Variants in NF1 observed in about 807,000 individuals in gnomAD.
The protein encoded by NF1 is neurofibromin 1, also known as neurofibromin.
In NF1, 122 loss-of-function variants were observed where a neutral mutation model predicts 325.7. The observed-to-expected ratio is 0.37, with a 90% confidence interval of 0.32 to 0.44. The LOEUF is 0.44. Ranked by LOEUF, NF1 falls within the 20% of genes least tolerant of loss-of-function variation. NF1 has a pLI of 1.00. For missense variants in NF1, 2,140 were observed against 3,415.4 expected, an observed-to-expected ratio of 0.63 and a Z score of 9.31; for synonymous variants, 1,091 against 1,186.0, an observed-to-expected ratio of 0.92 and a Z score of 1.65.
At chr17:31,186,673 G>A (rs932645828) in intron 8 of NF1, among the ~76,000 whole-genome samples, 1 of 152,246 alleles carries the variant, frequency 6.6e-6, no homozygotes, top group African/African-American at 2.4e-5. Flanking sequence ...GGTGACCTCA[G>A]CAGAGAAGGA....
chr17:31,319,021 A>C lies in NF1; in HGVS notation c.4836-6799A>C, dbSNP rs377502535. The C allele has an allele frequency of 1.9e-6, 3 of 1,588,252 alleles. No homozygotes were observed. The African/African-American group carries it at 4.1e-5, about 22-fold the overall frequency. On this transcript the variant is annotated intron_variant, in intron 36 of 57. Coordinates refer to ENST00000358273, the MANE Select transcript of NF1 (RefSeq NM_001042492.3). Reference sequence around the variant, plus strand: ...TTCCATGTCCGTGGGCATGCTTGGCAATCTGTTGGGATAGCAATATAATTT... The same window carrying C: ...TTCCATGTCCGTGGGCATGCTTGGCCATCTGTTGGGATAGCAATATAATTT...
At position 31,340,847 on chromosome 17, in the gene NF1, C is replaced by CAAAAAAAAAAA. The variant is rs1051607259; in HGVS notation, c.7062+205_7062+215dup. Among the ~76,000 whole-genome samples the CAAAAAAAAAAA allele has an allele frequency of 1.5e-3, 90 of 61,870 alleles. 1 individual carries two copies. The highest frequency in any genetic ancestry group is 4.3e-3 in the East Asian group (8 of 1,868). The allele number at this position is 61,870 out of a possible 152,430, so 40.6% of individuals were successfully genotyped here. On this transcript the variant is annotated intron_variant, in intron 47 of 57. Coordinates refer to ENST00000358273, the MANE Select transcript of NF1 (RefSeq NM_001042492.3). ...ATGCATATTTTTTACATAAAAATAG[C>CAAAAAAAAAAA]AAAAAAAAAAAAACAAAAAAAAAAC...
At chr17:31,209,631 G>T (rs1317261952) in intron 12 of NF1, among the ~76,000 whole-genome samples, 1 of 151,958 alleles carries the variant, frequency 6.6e-6, no homozygotes, top group Non-Finnish European at 1.5e-5. Context: ...TATTCTTTTA[G>T]CTCTCTCTCT....
intron 48 of NF1, among the ~76,000 whole-genome samples, chr17:31,343,525 A>G (rs2069884865): frequency 6.6e-6 from 1 of 152,236 alleles, no homozygotes; most frequent in Non-Finnish European, 1.5e-5. Flanking sequence ...GCCCTAGGTA[A>G]CAGAGTGAGA....
intron 1 of NF1, among the ~76,000 whole-genome samples, chr17:31,113,385 A>G (rs576255754): frequency 6.6e-6 from 1 of 152,174 alleles, no homozygotes; most frequent in East Asian, 1.9e-4. Context: ...AGCTAGGACT[A>G]CAGGTACATG....
intron 1 of NF1, among the ~76,000 whole-genome samples, chr17:31,117,672 C>CAAAAAAAAAAAAAAAAAAAAAAAAAA (rs780828438): frequency 1.0e-4 from 2 of 19,814 alleles, no homozygotes; most frequent in Non-Finnish European, 2.1e-4. Flanking sequence ...AACTCCATCT[C>CAAAAAAAAAAAAAAAAAAAAAAAAAA]AAAAAAAAAA....
intron 36 of NF1, among the ~76,000 whole-genome samples, chr17:31,324,943 C>T (rs964425232): frequency 6.6e-6 from 1 of 152,168 alleles, no homozygotes; most frequent in Admixed American, 6.5e-5. Context: ...TCACCAGAAT[C>T]ATCACATATG....
chr17:31,294,171 C>T (rs1016011780), intron 36 of NF1, among the ~76,000 whole-genome samples: 9 of 152,108 alleles, frequency 5.9e-5, no homozygotes, highest in Admixed American at 2.0e-4. Flanking sequence ...AAATTTTCTT[C>T]TCCTTCATGT....
chr17:31,130,671 C>T (rs1006419161), intron 1 of NF1, among the ~76,000 whole-genome samples: 4 of 152,122 alleles, frequency 2.6e-5, no homozygotes, highest in African/African-American at 9.7e-5. Flanking sequence ...GGGCTCTGTA[C>T]CTGCCAGTGC....
chr17:31,366,767 G>A (rs10438801), intron 57 of NF1, among the ~76,000 whole-genome samples: 76,049 of 151,950 alleles, frequency 0.5, 20,800 homozygotes, highest in Non-Finnish European at 0.62. Context: ...AAGAAACCTA[G>A]AAGTCTCTAT....
intron 43 of NF1, 61 bp downstream of exon 43, chr17:31,337,643 C>G (rs2151556905): frequency 1.3e-6 from 2 of 1,492,578 alleles, no homozygotes; most frequent in African/African-American, 1.4e-5. Context: ...TATGTTAATA[C>G]TATATAGAAG....
chr17:31,222,009 CT>C, intron 15 of NF1, 80 bp downstream of exon 15: 1 of 1,402,350 alleles, frequency 7.1e-7, no homozygotes, highest in Non-Finnish European at 9.3e-7. Context: ...CTCTGTAGTA[CT>C]TAGTACATTG....
At chr17:31,373,915 C>T in intron 57 of NF1, 98 bp from the exon 58 acceptor site, 1 of 1,479,614 alleles carries the variant, frequency 6.8e-7, no homozygotes, top group Non-Finnish European at 9.4e-7. Context: ...ATGATTGTTT[C>T]CTAGAATGTG....
intron 36 of NF1, among the ~76,000 whole-genome samples, chr17:31,322,422 G>A (rs1344991141): frequency 7.1e-6 from 1 of 140,754 alleles, no homozygotes; most frequent in Admixed American, 7.8e-5. Flanking sequence ...GGAGGCTGCA[G>A]AGATCATGAG....
intron 47 of NF1, among the ~76,000 whole-genome samples, chr17:31,341,594 A>AT (rs1555535280): frequency 1.2e-4 from 17 of 145,042 alleles, no homozygotes; most frequent in Admixed American, 2.0e-4. Context: ...ATATATATAA[A>AT]GTGTGTGTGT....
intron 51 of NF1, 115 bp downstream of exon 51, chr17:31,352,529 C>G (rs1015219534): frequency 2.0e-6 from 2 of 1,016,886 alleles, no homozygotes; most frequent in African/African-American, 3.3e-5. Flanking sequence ...GTCAGTGTAG[C>G]AAAGTTTTTG....
chr17:31,104,605 G>A (rs1004676464), intron 1 of NF1, among the ~76,000 whole-genome samples: 2 of 152,138 alleles, frequency 1.3e-5, no homozygotes, highest in African/African-American at 4.8e-5. Flanking sequence ...GGGCGGGAAG[G>A]GAGAGATGAG....
intron 1 of NF1, among the ~76,000 whole-genome samples, chr17:31,128,087 G>T (rs1250917476): frequency 6.6e-6 from 1 of 151,116 alleles, no homozygotes; most frequent in South Asian, 2.1e-4. Context: ...GACCACAGGC[G>T]TGTGCCACCA....
chr17:31,176,997 T>G (rs1363257965), intron 5 of NF1, among the ~76,000 whole-genome samples: 1 of 152,208 alleles, frequency 6.6e-6, no homozygotes, highest in South Asian at 2.1e-4. Flanking sequence ...GGCTCTTTTC[T>G]GGTTTCATAT....
Sources: gnomAD v4.1 joint callset for allele counts (sites outside exome capture counted in the v4.1 genomes callset) on GRCh38, gnomAD v4.1.1 for gene constraint, MANE v1.5 for transcripts, NCBI Gene and HGNC (gene_info 2026-07-23, HGNC 2026-07-21) for gene names.